SPATA6L: variants seen among roughly 807,000 people sequenced by gnomAD.
SPATA6L encodes spermatogenesis associated 6 like, also known as spermatogenesis associated 6-like protein.
In SPATA6L, 68 loss-of-function variants were observed where a neutral mutation model predicts 49.2. The observed-to-expected ratio is 1.38, with a 90% confidence interval of 1.14 to 1.69. The LOEUF is 1.69. Among genes scored for constraint, SPATA6L ranks in the 40% most tolerant of loss-of-function variants. The pLI is 0.00. For missense variants in SPATA6L, 668 were observed against 464.3 expected (o/e 1.44, Z -4.03); for synonymous variants, 198 against 165.7 (o/e 1.19, Z -1.50).
At chr9:4,665,014 G>T (rs1439812002) in intron 1 of SPATA6L, 1 of 167,102 alleles carries the variant, frequency 6.0e-6, no homozygotes, top group African/African-American at 2.4e-5. Context: ...TCCTCTTGCA[G>T]TGTCCACAAA....
chr9:4,619,665 G>A (rs1291119050), intron 7 of SPATA6L, among the ~76,000 whole-genome samples: 1 of 152,108 alleles, frequency 6.6e-6, no homozygotes, highest in African/African-American at 2.4e-5. Context: ...CATTTATGCA[G>A]GAGCTCTTGA....
chr9:4,612,998 C>T (rs1471424736), intron 9 of SPATA6L, among the ~76,000 whole-genome samples: 2 of 152,196 alleles, frequency 1.3e-5, no homozygotes, highest in East Asian at 1.9e-4. Context: ...AAGGCTGAGG[C>T]GGGCGGATCT....
intron 6 of SPATA6L, 35 bp from the exon 7 acceptor site, chr9:4,622,545 A>G (rs1402056650): frequency 3.5e-6 from 5 of 1,434,374 alleles, no homozygotes; most frequent in South Asian, 1.2e-5. Flanking sequence ...ACTAGAATCC[A>G]CTATAGCTTC....
chr9:4,632,085 G>A (rs1056805863), intron 4 of SPATA6L, among the ~76,000 whole-genome samples: 1 of 142,802 alleles, frequency 7.0e-6, no homozygotes, highest in Non-Finnish European at 1.5e-5. Context: ...TGTCGCCCAG[G>A]CTGGAGTGCA....
intron 4 of SPATA6L, among the ~76,000 whole-genome samples, chr9:4,631,187 C>T (rs1483914164): frequency 1.3e-5 from 2 of 152,124 alleles, no homozygotes; most frequent in African/African-American, 4.8e-5. Flanking sequence ...TAACATTATA[C>T]TTTAGAGTTG....
At chr9:4,614,150 C>T (rs756825836) in intron 9 of SPATA6L, among the ~76,000 whole-genome samples, 22 of 152,286 alleles carry the variant, frequency 1.4e-4, no homozygotes, top group South Asian at 1.2e-3. Flanking sequence ...ACCTTCTCCT[C>T]GAGTCATGTG....
intron 3 of SPATA6L, among the ~76,000 whole-genome samples, chr9:4,636,978 GCACGCTGCAACGTTTTAAATACATC>G (rs1832933305): frequency 6.6e-6 from 1 of 151,964 alleles, no homozygotes; most frequent in Non-Finnish European, 1.5e-5. Context: ...TCCATTGTCC[GCACGCTGCAACGTTTTAAATACATC>G]AGACTGCCTT....
rs765829279 is a variant in SPATA6L at position 4,666,275 on chromosome 9, T to G, written c.-25A>C. ...TCGTTCCCTGCGTGGGCGAAAGGAC[T>G]GGAATGAGAAGATCCTTTTGTGCCG... On this transcript the variant is annotated 5_prime_UTR_variant, in exon 1 of 12. Transcript: ENST00000682582. 1.9e-6 allele frequency: 3 copies of G among 1,613,786 alleles called. No individual in the cohort carries two copies. Among genetic ancestry groups the G allele is most frequent in the East Asian group, 4.5e-5 (2 of 44,898 alleles).
intron 3 of SPATA6L, among the ~76,000 whole-genome samples, chr9:4,644,912 G>A (rs992258601): frequency 6.6e-6 from 1 of 152,162 alleles, no homozygotes; most frequent in Non-Finnish European, 1.5e-5. Context: ...TAGCACAGGG[G>A]TCACAGACTT....
intron 3 of SPATA6L, among the ~76,000 whole-genome samples, chr9:4,645,708 G>A (rs1277316790): frequency 6.6e-6 from 1 of 152,114 alleles, no homozygotes; most frequent in Non-Finnish European, 1.5e-5. Flanking sequence ...GCTGAACCCT[G>A]AAAACATTAG....
intron 5 of SPATA6L, chr9:4,626,643 C>G: frequency 9.1e-7 from 1 of 1,094,918 alleles, no homozygotes; most frequent in Non-Finnish European, 1.2e-6. Context: ...CCCTGTTTAG[C>G]CATTTTTAAA....
At position 4,599,975 on chromosome 9, in the gene SPATA6L, C is replaced by G. The variant is rs79007165; in HGVS notation, c.*836G>C. On this transcript the variant is annotated 3_prime_UTR_variant, in exon 12 of 12. Transcript: ENST00000682582. ...TGCCTCTAGTCTCCCTTTATCCCAG[C>G]CCCTTCCTATTCCTGCTCCCTCACA... Among the ~76,000 whole-genome samples, 782 of 152,300 alleles carry G rather than the reference C, an allele frequency of 5.1e-3. 17 individuals are homozygous for G. The East Asian group carries it at 0.069, about 14-fold the overall frequency.
intron 3 of SPATA6L, among the ~76,000 whole-genome samples, chr9:4,653,158 A>G (rs1366013046): frequency 1.3e-5 from 2 of 152,242 alleles, no homozygotes; most frequent in Admixed American, 1.3e-4. Context: ...GCATAACAAT[A>G]GACATATGAA....
At chr9:4,602,812 T>C (rs1211842012) in intron 11 of SPATA6L, among the ~76,000 whole-genome samples, 1 of 152,222 alleles carries the variant, frequency 6.6e-6, no homozygotes, top group Non-Finnish European at 1.5e-5. Context: ...ACTAGCCATG[T>C]CACCTTGAGC....
chr9:4,621,552 A>C (rs1470674677), intron 7 of SPATA6L, among the ~76,000 whole-genome samples: 1 of 151,970 alleles, frequency 6.6e-6, no homozygotes, highest in Non-Finnish European at 1.5e-5. Context: ...GCAATGGCAC[A>C]ATCTCAGCTC....
At chr9:4,653,378 G>A (rs543083911) in intron 3 of SPATA6L, among the ~76,000 whole-genome samples, 5 of 152,206 alleles carry the variant, frequency 3.3e-5, no homozygotes, top group Admixed American at 3.3e-4. Context: ...TCATCTAGAT[G>A]TAAGAGCCAA....
At chr9:4,620,554 T>C (rs1829050350) in intron 7 of SPATA6L, among the ~76,000 whole-genome samples, 2 of 152,230 alleles carry the variant, frequency 1.3e-5, no homozygotes. Context: ...TGCTGTGTTC[T>C]ACCTTAGGCC....
rs745950983 is a variant in SPATA6L at position 4,625,533 on chromosome 9, T to C, written c.463A>G (p.Thr155Ala). 26 of 1,599,000 alleles carry C rather than the reference T, an allele frequency of 1.6e-5. No individual in the cohort carries two copies. The highest frequency in any genetic ancestry group is 1.1e-5 in the Non-Finnish European group (13 of 1,173,206). ...AAGGGAAATATTGGTTCATGTGATG[T>C]AGATAAAGGCCTCCGTGACTCATGT... The part of the protein sequence containing the change: ...ERHESRRPLS[T>A]SHEPIFPLNT... The change falls in exon 6 of 12, where the codon ACA becomes GCA. Residue 155 changes from threonine to alanine, a missense_variant. Transcript: ENST00000682582.
chr9:4,618,485 T>A (rs1388925906), intron 8 of SPATA6L, among the ~76,000 whole-genome samples: 4 of 152,232 alleles, frequency 2.6e-5, no homozygotes, highest in African/African-American at 9.6e-5. Flanking sequence ...ATAAATCTAT[T>A]CTCATGTTGT....
Sources: gnomAD v4.1 joint callset for allele counts (sites outside exome capture counted in the v4.1 genomes callset) on GRCh38, gnomAD v4.1.1 for gene constraint, MANE v1.5 for transcripts, NCBI Gene and HGNC (gene_info 2026-07-23, HGNC 2026-07-21) for gene names.